The following KCNK3 variants were observed in gnomAD, a reference collection of about 807,000 sequenced individuals.
KCNK3 encodes potassium channel subfamily K member 3.
KCNK3 carries 9 observed loss-of-function variants against 27.3 expected under a neutral mutation model. The observed-to-expected ratio is 0.33, with a 90% CI of 0.20 to 0.57. The LOEUF (loss-of-function observed/expected upper bound fraction) is 0.57. KCNK3 is among the 20% of genes least tolerant of loss of function. KCNK3 has a pLI of 0.87. For synonymous variants in KCNK3, 278 were observed against 273.8 expected, an observed-to-expected ratio of 1.02 and a Z score of -0.15; for missense variants, 391 against 577.7, an observed-to-expected ratio of 0.68 and a Z score of 3.31.
At chr2:26,716,925 G>T (rs1031661358) in intron 1 of KCNK3, among the ~76,000 whole-genome samples, 2 of 152,160 alleles carry the variant, frequency 1.3e-5, no homozygotes, top group African/African-American at 4.8e-5. Flanking sequence ...ACTGAATCTG[G>T]CCCACCACTT....
At chr2:26,712,311 A>G (rs1183072893) in intron 1 of KCNK3, among the ~76,000 whole-genome samples, 1 of 152,222 alleles carries the variant, frequency 6.6e-6, no homozygotes, top group African/African-American at 2.4e-5. Context: ...GACTGAGTCA[A>G]GCAACCGAAG....
At position 26,728,598 on chromosome 2, in the gene KCNK3, G is replaced by A. The variant is rs571255777; in HGVS notation, c.*30G>A. ...CCCGAGGGGCCTGGAGCACCTGGGG[G>A]CGCGGGCGGGGGACCCCTGCTGGGA... On this transcript the variant is annotated 3_prime_UTR_variant, in exon 2 of 2. Transcript: ENST00000302909. 192 of 1,408,864 alleles carry A rather than the reference G, an allele frequency of 1.4e-4. No homozygotes were observed. In the African/African-American group the frequency reaches 2.6e-3, roughly 19 times the overall value. The allele number at this position is 1,408,864 out of a possible 1,614,324, so 87.3% of individuals were successfully genotyped here.
intron 1 of KCNK3, among the ~76,000 whole-genome samples, chr2:26,696,732 C>T (rs1384562641): frequency 6.6e-6 from 1 of 152,174 alleles, no homozygotes; most frequent in Non-Finnish European, 1.5e-5. Flanking sequence ...CAAGCCTCAT[C>T]TATTCATAGC....
chr2:26,713,870 G>A (rs1468396264), intron 1 of KCNK3, among the ~76,000 whole-genome samples: 1 of 151,786 alleles, frequency 6.6e-6, no homozygotes, highest in East Asian at 1.9e-4. Context: ...GAGGTCAGGA[G>A]TTCCTGACCA....
At chr2:26,713,287 A>C (rs1175933028) in intron 1 of KCNK3, among the ~76,000 whole-genome samples, 1 of 152,164 alleles carries the variant, frequency 6.6e-6, no homozygotes, top group Non-Finnish European at 1.5e-5. Flanking sequence ...CAGCAGTGGA[A>C]GTGCTCAGAG....
intron 1 of KCNK3, among the ~76,000 whole-genome samples, chr2:26,709,008 A>G (rs929395840): frequency 3.9e-5 from 6 of 152,150 alleles, no homozygotes; most frequent in African/African-American, 1.2e-4. Flanking sequence ...TACGATACAT[A>G]TGTTGGAGGA....
intron 1 of KCNK3, among the ~76,000 whole-genome samples, chr2:26,723,026 T>G (rs1663352702): frequency 6.6e-6 from 1 of 152,240 alleles, no homozygotes; most frequent in South Asian, 2.1e-4. Flanking sequence ...CCCCATGCTC[T>G]TTCCTCTGCC....
At chr2:26,700,467 T>G (rs759209720) in intron 1 of KCNK3, among the ~76,000 whole-genome samples, 2 of 152,226 alleles carry the variant, frequency 1.3e-5, no homozygotes, top group African/African-American at 2.4e-5. Context: ...AGAGCCAGCC[T>G]CAACTGTGGC....
At position 26,728,650 on chromosome 2, in the gene KCNK3, C is replaced by A; in HGVS notation, c.*82C>A. The A allele has an allele frequency of 8.2e-7, 1 of 1,223,402 alleles. No individual in the cohort carries two copies. Among genetic ancestry groups the A allele is most frequent in the Non-Finnish European group, 1.1e-6 (1 of 927,450 alleles). The allele number at this position is 1,223,402 out of a possible 1,614,324, so 75.8% of individuals were successfully genotyped here. ...GCCAGGAGACTGCCCCTGCTGCCTT[C>A]TGCCCAGTGGGACCCCGCACAACAT... On this transcript the variant is annotated 3_prime_UTR_variant, in exon 2 of 2. Coordinates refer to ENST00000302909, the MANE Select transcript of KCNK3 (RefSeq NM_002246.3).
intron 1 of KCNK3, among the ~76,000 whole-genome samples, chr2:26,726,953 G>C (rs1306478288): frequency 2.6e-5 from 4 of 152,190 alleles, no homozygotes; most frequent in Non-Finnish European, 4.4e-5. Context: ...GAGGCTGATG[G>C]GGACCCTGGA....
chr2:26,709,459 G>A (rs1663062036), intron 1 of KCNK3, among the ~76,000 whole-genome samples: 1 of 152,240 alleles, frequency 6.6e-6, no homozygotes, highest in African/African-American at 2.4e-5. Flanking sequence ...CAGGGGGAGT[G>A]TTTCCAGAGA....
chr2:26,699,722 G>T (rs946474394), intron 1 of KCNK3, among the ~76,000 whole-genome samples: 2 of 152,170 alleles, frequency 1.3e-5, no homozygotes, highest in South Asian at 4.1e-4. Context: ...TTGGACACAG[G>T]GAACGGACAA....
chr2:26,724,492 T>C (rs1311536761), intron 1 of KCNK3: 1 of 626,432 alleles, frequency 1.6e-6, no homozygotes, highest in Non-Finnish European at 2.0e-6. Flanking sequence ...CCAACTGTAA[T>C]ATGAAGATAA....
intron 1 of KCNK3, among the ~76,000 whole-genome samples, chr2:26,700,530 G>T (rs1670293757): frequency 6.6e-6 from 1 of 152,166 alleles, no homozygotes; most frequent in Admixed American, 6.5e-5. Flanking sequence ...GGCTGGGCCT[G>T]ACATCCCATC....
Position 26,693,182 on chromosome 2 carries a change from C to G in KCNK3, c.283+24C>G, listed in dbSNP as rs764929590. ...CGGTAACGGCTCGCCGGGCGGGGGG[C>G]GGGAACCCAGGGCTGGGCGCGGGGC... is the stretch of plus-strand genomic sequence containing the variant. On this transcript the variant is annotated intron_variant, in intron 1 of 1. Coordinates refer to ENST00000302909, the MANE Select transcript of KCNK3 (RefSeq NM_002246.3). This position sits in a 1 kb window ranked among gnomAD's most constrained non-coding sequence, Gnocchi z 5.5. 2 of 1,366,306 alleles carry G rather than the reference C, an allele frequency of 1.5e-6. No individual in the cohort carries two copies. The highest frequency in any genetic ancestry group is 2.0e-5 in the South Asian group (1 of 49,000). The allele number at this position is 1,366,306 out of a possible 1,614,324, so 84.6% of individuals were successfully genotyped here.
intron 1 of KCNK3, among the ~76,000 whole-genome samples, chr2:26,704,847 T>C (rs559893520): frequency 1.3e-5 from 2 of 152,394 alleles, no homozygotes; most frequent in Non-Finnish European, 2.9e-5. Context: ...AGCCTGCCTC[T>C]GTTACCACAG....
Position 26,692,839 on chromosome 2 carries a change from G to C in KCNK3, c.-37G>C. On this transcript the variant is annotated 5_prime_UTR_variant, in exon 1 of 2. Coordinates refer to ENST00000302909, the MANE Select transcript of KCNK3 (RefSeq NM_002246.3). The surrounding 1 kb of genome is among the most constrained non-coding windows in gnomAD (Gnocchi z 5.6). ...GCGGCCGGGGCCGAGGCGCGGGCCG[G>C]GGGCGCCGGGGGGCCGGCGGCGGCC... 1 of 1,157,820 alleles carries C rather than the reference G, an allele frequency of 8.6e-7. No individual in the cohort carries two copies. The highest frequency in any genetic ancestry group is 1.1e-6 in the Non-Finnish European group (1 of 938,000). The allele number at this position is 1,157,820 out of a possible 1,614,324, so 71.7% of individuals were successfully genotyped here. A position where few individuals can be genotyped will look rare whatever the true frequency, so the allele number is the denominator to read the frequency against.
intron 1 of KCNK3, among the ~76,000 whole-genome samples, chr2:26,695,210 CTTTTTCTTTTCT>C (rs953752171): frequency 1.3e-5 from 2 of 152,124 alleles, no homozygotes; most frequent in African/African-American, 4.8e-5. Flanking sequence ...TTTCTCTGCC[CTTTTTCTTTTCT>C]TTTTTCTTTT....
At chr2:26,724,022 C>T (rs901866950) in intron 1 of KCNK3, among the ~76,000 whole-genome samples, 2 of 152,216 alleles carry the variant, frequency 1.3e-5, no homozygotes, top group East Asian at 3.9e-4. Context: ...AAGCCAAGCG[C>T]GACATGGGCA....
Sources: gnomAD v4.1 joint callset for allele counts (sites outside exome capture counted in the v4.1 genomes callset) on GRCh38, gnomAD v4.1.1 for gene constraint, Gnocchi (gnomAD v3.1) non-coding constraint, MANE v1.5 for transcripts, NCBI Gene and HGNC (gene_info 2026-07-23, HGNC 2026-07-21) for gene names.